The following DIP2B variants were observed in gnomAD, a reference collection of about 807,000 sequenced individuals.
The protein encoded by DIP2B is DIP2 acetate--CoA ligase B (putative), also known as disco-interacting protein 2 homolog B.
A neutral mutation model predicts 198.0 loss-of-function variants in DIP2B; 76 were observed. The observed-to-expected ratio is 0.38, with a 90% CI of 0.32 to 0.46. DIP2B has a LOEUF of 0.46. DIP2B is among the 20% of genes least tolerant of loss of function. The pLI, the probability that DIP2B is intolerant of heterozygous loss-of-function variation, is 0.99. For synonymous variants in DIP2B, 701 were observed against 739.1 expected, an observed-to-expected ratio of 0.95 and a Z score of 0.84; for missense variants, 1,559 against 1,978.4, an observed-to-expected ratio of 0.79 and a Z score of 4.02.
At chr12:50,585,669 C>T (rs1958764222) in intron 1 of DIP2B, among the ~76,000 whole-genome samples, 1 of 152,140 alleles carries the variant, frequency 6.6e-6, no homozygotes, top group African/African-American at 2.4e-5. Context: ...TAAGGCTTCC[C>T]AGGCCATGGT....
chr12:50,523,363 A>G (rs918995370), intron 1 of DIP2B, among the ~76,000 whole-genome samples: 1 of 152,142 alleles, frequency 6.6e-6, no homozygotes, highest in African/African-American at 2.4e-5. Flanking sequence ...AAATCTGTAC[A>G]TGTTCAGTAC....
intron 12 of DIP2B, among the ~76,000 whole-genome samples, chr12:50,688,789 T>A (rs1939174033): frequency 6.6e-6 from 1 of 152,246 alleles, no homozygotes; most frequent in South Asian, 2.1e-4. Flanking sequence ...CTTGGACTCC[T>A]CTCTCAGTTC....
chr12:50,696,059 A>C (rs1206169253), intron 16 of DIP2B, 92 bp downstream of exon 16: 3 of 1,544,698 alleles, frequency 1.9e-6, no homozygotes, highest in African/African-American at 1.4e-5. Flanking sequence ...TCACATACTG[A>C]AAAACTCACT....
Position 50,527,930 on chromosome 12 carries a change from G to GTT in DIP2B, c.100+22703_100+22704dup, listed in dbSNP as rs537283926. ...TTCATTAGAGATGGAAATTCCTTCT[G>GTT]TTTTTTTTTTTTTTGGAGACAGAGT... is the stretch of plus-strand genomic sequence containing the variant. On this transcript the variant is annotated intron_variant, in intron 1 of 37. Transcript: ENST00000301180. 1.5e-3 allele frequency among the ~76,000 whole-genome samples: 216 copies of GTT among 141,444 alleles called. 3 individuals are homozygous for GTT. Among genetic ancestry groups the GTT allele is most frequent in the Admixed American group, 1.6e-3 (23 of 14,076 alleles). The allele number at this position is 141,444 out of a possible 152,430, so 92.8% of individuals were successfully genotyped here.
chr12:50,590,609 C>A (rs1240066838), intron 1 of DIP2B, among the ~76,000 whole-genome samples: 1 of 152,112 alleles, frequency 6.6e-6, no homozygotes, highest in Non-Finnish European at 1.5e-5. Flanking sequence ...ACCTTGTGAT[C>A]TACCCACCTC....
chr12:50,697,896 A>G (rs1939345834), intron 17 of DIP2B, among the ~76,000 whole-genome samples: 1 of 151,732 alleles, frequency 6.6e-6, no homozygotes. Context: ...ACTACACTAC[A>G]TTTTTTTTAA....
At chr12:50,671,152 G>A in intron 4 of DIP2B, 34 bp from the exon 5 acceptor site, 1 of 1,605,772 alleles carries the variant, frequency 6.2e-7, no homozygotes, top group Non-Finnish European at 8.5e-7. Context: ...TTCTAGGTAG[G>A]ATCGAGAACT....
intron 1 of DIP2B, among the ~76,000 whole-genome samples, chr12:50,582,510 T>C (rs7295814): frequency 0.063 from 9,596 of 152,292 alleles, 424 homozygotes; most frequent in Non-Finnish European, 0.099. Context: ...TGAAACATTG[T>C]AATATTAGTT....
chr12:50,690,486 A>G (rs1939206338), intron 12 of DIP2B, among the ~76,000 whole-genome samples: 1 of 152,150 alleles, frequency 6.6e-6, no homozygotes, highest in Admixed American at 6.5e-5. Context: ...AGGAGTTCCA[A>G]TCCAGCCTGG....
At chr12:50,603,328 G>C (rs1365811789) in intron 1 of DIP2B, among the ~76,000 whole-genome samples, 1 of 152,112 alleles carries the variant, frequency 6.6e-6, no homozygotes, top group African/African-American at 2.4e-5. Context: ...AAGAAGACTA[G>C]GCAGGGTGGG....
chr12:50,676,003 A>G (rs1592122489), intron 7 of DIP2B, among the ~76,000 whole-genome samples: 1 of 152,378 alleles, frequency 6.6e-6, no homozygotes. Context: ...TTAAGTATCT[A>G]TCAGCCAATA....
At chr12:50,710,022 G>C (rs1423028365) in intron 22 of DIP2B, among the ~76,000 whole-genome samples, 2 of 152,114 alleles carry the variant, frequency 1.3e-5, no homozygotes, top group African/African-American at 4.8e-5. Flanking sequence ...AATTAGAGAG[G>C]ACCACTTCCT....
chr12:50,742,479 A>ATCCGT (rs1940268891), intron 37 of DIP2B, among the ~76,000 whole-genome samples: 1 of 151,284 alleles, frequency 6.6e-6, no homozygotes, highest in South Asian at 2.1e-4. Context: ...CCAACACAGA[A>ATCCGT]TCCGTTCGGT....
chr12:50,570,540 G>T (rs1958603753), intron 1 of DIP2B, among the ~76,000 whole-genome samples: 1 of 152,148 alleles, frequency 6.6e-6, no homozygotes, highest in Non-Finnish European at 1.5e-5. Flanking sequence ...GTAAAACCCT[G>T]TCTCTATTAA....
intron 1 of DIP2B, among the ~76,000 whole-genome samples, chr12:50,573,253 A>G (rs1958630655): frequency 6.6e-6 from 1 of 152,256 alleles, no homozygotes; most frequent in South Asian, 2.1e-4. Flanking sequence ...TCCATTAAAC[A>G]AATAACTGCT....
At position 50,640,717 on chromosome 12, in the gene DIP2B, T is replaced by A. The variant is rs1347502369; in HGVS notation, c.173-7T>A. 6.2e-7 allele frequency: 1 copy of A among 1,611,706 alleles called. No homozygotes were observed. Among genetic ancestry groups the A allele is most frequent in the East Asian group, 2.2e-5 (1 of 44,826 alleles). On this transcript the variant is annotated splice_polypyrimidine_tract_variant and splice_region_variant and intron_variant, in intron 2 of 37. Coordinates refer to ENST00000301180, the MANE Select transcript of DIP2B (RefSeq NM_173602.3). ...TGGATAACCATCTTTTAAACTTCCTTTTTTAGAAACTGATTCAGCAGTACA... is the reference window on the plus strand; with the variant it reads ...TGGATAACCATCTTTTAAACTTCCTATTTTAGAAACTGATTCAGCAGTACA...
intron 4 of DIP2B, among the ~76,000 whole-genome samples, chr12:50,667,868 G>A (rs1274743546): frequency 6.6e-6 from 1 of 152,124 alleles, no homozygotes; most frequent in Non-Finnish European, 1.5e-5. Flanking sequence ...GGTGCTATGG[G>A]CTGGCACCAG....
In DIP2B at chr12:50,723,306, G is replaced by A. The variant is rs772935961; in HGVS notation, c.3271G>A (p.Val1091Ile). Residue 1091 changes from valine to isoleucine, a missense_variant, in exon 27 of 38, where the codon GTC becomes ATC. Transcript: ENST00000301180. ...GAACCTCACGGCCACGCTGCCCACTGTCCGAATGATTGTTGATGTAAGTAC... is the reference window on the plus strand; with the variant it reads ...GAACCTCACGGCCACGCTGCCCACTATCCGAATGATTGTTGATGTAAGTAC... ...AQNLTATLPT[V>I]RMIVDVSKAA... is the part of the protein sequence containing the mutation. The A allele has an allele frequency of 1.9e-6, 3 of 1,614,018 alleles. No individual in the cohort carries two copies. The highest frequency in any genetic ancestry group is 2.5e-6 in the Non-Finnish European group (3 of 1,180,022).
At chr12:50,569,237 G>C (rs1302840940) in intron 1 of DIP2B, among the ~76,000 whole-genome samples, 1 of 151,996 alleles carries the variant, frequency 6.6e-6, no homozygotes, top group Non-Finnish European at 1.5e-5. Context: ...AGAACTATCT[G>C]GTCCTCAGTA....
Sources: gnomAD v4.1 joint callset for allele counts (sites outside exome capture counted in the v4.1 genomes callset) on GRCh38, gnomAD v4.1.1 for gene constraint, MANE v1.5 for transcripts, NCBI Gene and HGNC (gene_info 2026-07-23, HGNC 2026-07-21) for gene names.